The following MAD1L1 variants were observed in gnomAD, a reference collection of about 807,000 sequenced individuals.
MAD1L1 encodes mitotic arrest deficient 1 like 1, also known as mitotic spindle assembly checkpoint protein MAD1.
Under a neutral mutation model 96.9 loss-of-function variants are expected in MAD1L1, and 95 were observed. The observed-to-expected ratio is 0.98, with a 90% CI of 0.83 to 1.16. The LOEUF (loss-of-function observed/expected upper bound fraction) is 1.16, where lower values mean the gene tolerates loss of function less well. MAD1L1 is among the 50% of genes most tolerant of loss of function. The pLI is 0.00. For missense variants in MAD1L1, 1,007 were observed against 954.4 expected (o/e 1.06, Z -0.73); for synonymous variants, 473 against 396.6 (o/e 1.19, Z -2.29).
intron 10 of MAD1L1, among the ~76,000 whole-genome samples, chr7:2,197,911 A>C: frequency 6.6e-6 from 1 of 151,044 alleles, no homozygotes; most frequent in African/African-American, 2.4e-5. Context: ...CCCAGCCCCC[A>C]GGTCCCAGCC....
intron 16 of MAD1L1, among the ~76,000 whole-genome samples, chr7:1,953,885 C>A (rs1469653634): frequency 6.6e-6 from 1 of 152,254 alleles, no homozygotes; most frequent in Non-Finnish European, 1.5e-5. Context: ...TTCACACACA[C>A]AAGCTGGAGG....
intron 16 of MAD1L1, among the ~76,000 whole-genome samples, chr7:1,943,938 A>G (rs1433852195): frequency 6.6e-6 from 1 of 152,202 alleles, no homozygotes; most frequent in East Asian, 1.9e-4. Context: ...TGGATATATA[A>G]GATGCGGCCG....
At chr7:1,842,681 A>G (rs2128633623) in intron 18 of MAD1L1, among the ~76,000 whole-genome samples, 1 of 152,352 alleles carries the variant, frequency 6.6e-6, no homozygotes, top group South Asian at 2.1e-4. Context: ...TTTACTGAGT[A>G]GCTACTGCCT....
intron 18 of MAD1L1, among the ~76,000 whole-genome samples, chr7:1,842,549 C>G (rs1270819322): frequency 1.9e-4 from 29 of 152,404 alleles, no homozygotes; most frequent in Non-Finnish European, 1.5e-5. Context: ...ACTGGCCCCC[C>G]AGGCCTGTCC....
Position 2,146,289 on chromosome 7 carries a change from G to A in MAD1L1, c.1073+2863C>T, listed in dbSNP as rs190665548. On this transcript the variant is annotated intron_variant, in intron 11 of 18. Coordinates refer to ENST00000265854, the MANE Select transcript of MAD1L1 (RefSeq NM_001013836.2). The surrounding 1 kb of genome is among the most constrained non-coding windows in gnomAD (Gnocchi z 6.2). ...GCTACGAGGAACAGGGTACCACCTC[G>A]ATGAGGGAGCACCGGGCACTGGGCT... Among the ~76,000 whole-genome samples the A allele has an allele frequency of 1.0e-3, 155 of 149,580 alleles. No homozygotes were observed. The highest frequency in any genetic ancestry group is 3.8e-3 in the African/African-American group (150 of 39,424).
intron 11 of MAD1L1, among the ~76,000 whole-genome samples, chr7:2,102,221 C>T (rs1282047691): frequency 2.6e-5 from 4 of 151,220 alleles, no homozygotes; most frequent in African/African-American, 9.7e-5. Flanking sequence ...CCACCGCCAC[C>T]GTCGCCACCG....
intron 18 of MAD1L1, among the ~76,000 whole-genome samples, chr7:1,868,943 A>G (rs1335570223): frequency 2.0e-5 from 3 of 152,198 alleles, no homozygotes; most frequent in South Asian, 2.1e-4. Context: ...TCACCGCGCC[A>G]GGCAGAAAGC....
chr7:2,144,026 A>G (rs1462658968), intron 11 of MAD1L1, among the ~76,000 whole-genome samples: 2 of 152,242 alleles, frequency 1.3e-5, no homozygotes, highest in East Asian at 3.9e-4. Context: ...GAGGCAGAGA[A>G]GCAAGGCCAA....
chr7:2,161,253 C>T (rs1383051574), intron 10 of MAD1L1, among the ~76,000 whole-genome samples: 1 of 151,658 alleles, frequency 6.6e-6, no homozygotes, highest in Non-Finnish European at 1.5e-5. Flanking sequence ...ATTGCAGGCG[C>T]GCGCCGCCAA....
rs961544111 is a variant in MAD1L1, at chr7:2,142,700, C to T, written c.1073+6452G>A. On this transcript the variant is annotated intron_variant, in intron 11 of 18. Transcript: ENST00000265854. The surrounding 1 kb of genome is among the most constrained non-coding windows in gnomAD (Gnocchi z 4.7). ...ACCTTCTGCCAAAGACCATTTACAT[C>T]GAGTGGCGCCAAAGCCGAACGGACG... 6.6e-6 allele frequency among the ~76,000 whole-genome samples: 1 copy of T among 152,224 alleles called. No homozygotes were observed.
intron 15 of MAD1L1, 68 bp from the exon 16 acceptor site, chr7:1,957,787 G>T: frequency 6.9e-7 from 1 of 1,453,386 alleles, no homozygotes; most frequent in Non-Finnish European, 9.7e-7. Flanking sequence ...CCACCCTCTG[G>T]GTGATAAGGA....
chr7:2,111,413 G>A (rs1420646647), intron 11 of MAD1L1, among the ~76,000 whole-genome samples: 4 of 152,352 alleles, frequency 2.6e-5, no homozygotes, highest in East Asian at 3.9e-4. Flanking sequence ...GTCAAGGAGC[G>A]TGCCTCGGAA....
chr7:2,132,581 G>C (rs1014681021), intron 11 of MAD1L1, among the ~76,000 whole-genome samples: 4 of 152,208 alleles, frequency 2.6e-5, no homozygotes, highest in African/African-American at 9.7e-5. Context: ...GGCAACCACC[G>C]ATCTTTTTAC....
chr7:2,126,070 C>T (rs907534572), intron 11 of MAD1L1, among the ~76,000 whole-genome samples: 4 of 152,174 alleles, frequency 2.6e-5, no homozygotes, highest in Admixed American at 6.5e-5. Context: ...GCAGTGGACT[C>T]GGGGACAGAC....
intron 16 of MAD1L1, among the ~76,000 whole-genome samples, chr7:1,953,443 G>GGCT (rs1562557618): frequency 1.3e-5 from 2 of 152,004 alleles, no homozygotes; most frequent in Admixed American, 1.3e-4. Flanking sequence ...CGCACTGGGG[G>GGCT]GCTCCACCAG....
At chr7:2,208,383 T>C (rs1792709352) in intron 10 of MAD1L1, among the ~76,000 whole-genome samples, 2 of 151,732 alleles carry the variant, frequency 1.3e-5, no homozygotes, top group African/African-American at 2.4e-5. Context: ...CTTTCCAGTC[T>C]GTCCATCTTT....
intron 10 of MAD1L1, among the ~76,000 whole-genome samples, chr7:2,172,613 G>A (rs527503705): frequency 7.2e-5 from 11 of 152,356 alleles, no homozygotes; most frequent in African/African-American, 1.9e-4. Flanking sequence ...CACCTTGGCC[G>A]GCTCAACTTC....
intron 11 of MAD1L1, among the ~76,000 whole-genome samples, chr7:2,099,403 C>T (rs958303045): frequency 8.5e-5 from 13 of 152,254 alleles, no homozygotes; most frequent in Admixed American, 2.0e-4. Flanking sequence ...ATTCCTCTCT[C>T]GCTGCCTTCT....
chr7:2,016,493 C>G (rs1328455557), intron 12 of MAD1L1, among the ~76,000 whole-genome samples: 1 of 152,206 alleles, frequency 6.6e-6, no homozygotes, highest in African/African-American at 2.4e-5. Flanking sequence ...GCTGAGCCCC[C>G]GCCCAGGCCC....
Sources: gnomAD v4.1 joint callset for allele counts (sites outside exome capture counted in the v4.1 genomes callset) on GRCh38, gnomAD v4.1.1 for gene constraint, Gnocchi (gnomAD v3.1) non-coding constraint, MANE v1.5 for transcripts, NCBI Gene and HGNC (gene_info 2026-07-23, HGNC 2026-07-21) for gene names.